The following DLG2 variants were observed in gnomAD, a reference collection of about 807,000 sequenced individuals.
The protein encoded by DLG2 is disks large homolog 2.
In DLG2, 45 loss-of-function variants were observed where a neutral mutation model predicts 132.5. That is an observed-to-expected ratio of 0.34 (90% CI 0.27 to 0.44). The LOEUF (loss-of-function observed/expected upper bound fraction) is 0.44. DLG2 is among the 20% of genes least tolerant of loss of function. The pLI is 1.00. For missense variants in DLG2, 1,045 were observed against 1,196.9 expected (o/e 0.87, Z 1.87); for synonymous variants, 424 against 419.6 (o/e 1.01, Z -0.13).
At chr11:84,520,613 C>T (rs1400825291) in intron 7 of DLG2, among the ~76,000 whole-genome samples, 2 of 152,120 alleles carry the variant, frequency 1.3e-5, no homozygotes, top group Admixed American at 1.3e-4. Flanking sequence ...CCTCACTGCC[C>T]AGCTCCTTTT....
At chr11:84,429,231 T>A (rs2154472196) in intron 7 of DLG2, among the ~76,000 whole-genome samples, 1 of 152,316 alleles carries the variant, frequency 6.6e-6, no homozygotes. Flanking sequence ...TTTTGCTAGG[T>A]GCTGAGAATA....
At chr11:83,810,801 A>T (rs1324504603) in intron 17 of DLG2, among the ~76,000 whole-genome samples, 1 of 152,070 alleles carries the variant, frequency 6.6e-6, no homozygotes, top group East Asian at 1.9e-4. Flanking sequence ...TATGATTTAC[A>T]ATAGGTTCTG....
At chr11:83,906,438 T>C (rs1465294867) in intron 15 of DLG2, among the ~76,000 whole-genome samples, 1 of 151,918 alleles carries the variant, frequency 6.6e-6, no homozygotes, top group East Asian at 1.9e-4. Context: ...GGAAGTATAA[T>C]AGGACTATTT....
intron 11 of DLG2, among the ~76,000 whole-genome samples, chr11:84,036,635 T>G (rs907396139): frequency 2.0e-5 from 3 of 152,162 alleles, no homozygotes; most frequent in African/African-American, 7.2e-5. Context: ...CAGATAATTT[T>G]TATTTTTAAG....
At chr11:84,495,998 G>T (rs1359567746) in intron 7 of DLG2, among the ~76,000 whole-genome samples, 1 of 152,128 alleles carries the variant, frequency 6.6e-6, no homozygotes, top group Non-Finnish European at 1.5e-5. Flanking sequence ...TCAGGTAAAA[G>T]ATGGGACCAA....
At chr11:84,979,414 CCA>C (rs2055396835) in intron 6 of DLG2, among the ~76,000 whole-genome samples, 1 of 152,142 alleles carries the variant, frequency 6.6e-6, no homozygotes, top group South Asian at 2.1e-4. Context: ...ACCCAAATGT[CCA>C]TCAATGATAG....
At chr11:83,599,380 T>C (rs2058147751) in intron 19 of DLG2, among the ~76,000 whole-genome samples, 1 of 152,206 alleles carries the variant, frequency 6.6e-6, no homozygotes, top group African/African-American at 2.4e-5. Context: ...CTCCTTGCTT[T>C]TGCTTATCCA....
intron 3 of DLG2, among the ~76,000 whole-genome samples, chr11:85,576,436 T>C (rs766554305): frequency 4.6e-5 from 7 of 152,206 alleles, no homozygotes; most frequent in Non-Finnish European, 1.0e-4. Context: ...CTGGAAAGAA[T>C]ATAAAATTTC....
At chr11:85,182,002 T>C (rs2079735920) in intron 4 of DLG2, among the ~76,000 whole-genome samples, 1 of 151,952 alleles carries the variant, frequency 6.6e-6, no homozygotes, top group South Asian at 2.1e-4. Flanking sequence ...GAAATTTGTA[T>C]GGTGATGAAG....
chr11:84,369,531 G>T (rs111465235), intron 7 of DLG2, among the ~76,000 whole-genome samples: 2 of 151,996 alleles, frequency 1.3e-5, no homozygotes, highest in Admixed American at 6.6e-5. Context: ...GCTTTTCTTG[G>T]GGGGAGATGG....
intron 6 of DLG2, among the ~76,000 whole-genome samples, chr11:85,040,928 TA>T (rs927594914): frequency 2.6e-5 from 4 of 151,810 alleles, no homozygotes; most frequent in African/African-American, 9.7e-5. Flanking sequence ...AACGATTTTT[TA>T]AAAAATTACA....
At chr11:85,060,654 C>T (rs1023339491) in intron 6 of DLG2, among the ~76,000 whole-genome samples, 7 of 151,686 alleles carry the variant, frequency 4.6e-5, no homozygotes, top group African/African-American at 1.7e-4. Context: ...ATGCAAATAT[C>T]TCTTTAAGAT....
At chr11:85,320,739 T>C (rs529644958) in intron 3 of DLG2, among the ~76,000 whole-genome samples, 20 of 151,736 alleles carry the variant, frequency 1.3e-4, no homozygotes, top group African/African-American at 4.8e-4. Context: ...TAAAGTACTG[T>C]AGGAAAAGGG....
chr11:85,527,709 C>A (rs1357508214), intron 3 of DLG2, among the ~76,000 whole-genome samples: 1 of 152,156 alleles, frequency 6.6e-6, no homozygotes, highest in Non-Finnish European at 1.5e-5. Flanking sequence ...TGGGTATATA[C>A]CCATTAATGG....
chr11:84,861,636 A>C (rs954115228), intron 6 of DLG2, among the ~76,000 whole-genome samples: 3 of 70,632 alleles, frequency 4.2e-5, no homozygotes, highest in East Asian at 4.5e-4. Flanking sequence ...AAAAAAAAAA[A>C]AAACAAAAAA....
At chr11:84,755,370 G>A (rs1180688983) in intron 6 of DLG2, among the ~76,000 whole-genome samples, 2 of 152,188 alleles carry the variant, frequency 1.3e-5, no homozygotes, top group Admixed American at 6.5e-5. Flanking sequence ...TCTGGGCTGG[G>A]CCTGTGGTTC....
chr11:84,298,523 A>G (rs2098118261), intron 7 of DLG2, among the ~76,000 whole-genome samples: 1 of 152,240 alleles, frequency 6.6e-6, no homozygotes, highest in Admixed American at 6.5e-5. Flanking sequence ...AATCACTCAT[A>G]AACATTTTCA....
chr11:85,061,374 A>G (rs2064116757), intron 6 of DLG2, among the ~76,000 whole-genome samples: 1 of 151,706 alleles, frequency 6.6e-6, no homozygotes, highest in East Asian at 1.9e-4. Flanking sequence ...CACGATTTGA[A>G]CTATTCTGCT....
intron 6 of DLG2, among the ~76,000 whole-genome samples, chr11:84,670,370 C>G (rs2099704416): frequency 1.3e-5 from 2 of 152,068 alleles, no homozygotes; most frequent in South Asian, 4.2e-4. Flanking sequence ...ACAAAGCACT[C>G]TAGTTATACA....
Sources: gnomAD v4.1 joint callset for allele counts (sites outside exome capture counted in the v4.1 genomes callset) on GRCh38, gnomAD v4.1.1 for gene constraint, MANE v1.5 for transcripts, NCBI Gene and HGNC (gene_info 2026-07-23, HGNC 2026-07-21) for gene names.